CATSPERT: variants seen among roughly 807,000 people sequenced by gnomAD.
The protein encoded by CATSPERT is catsper channel auxiliary subunit tau.
chr2:201,517,131 C>G, the CATSPERT span, among the ~76,000 whole-genome samples: 2 of 151,998 alleles, frequency 1.3e-5, no homozygotes, highest in South Asian at 4.2e-4. Flanking sequence ...CTGAAGTTCC[C>G]CAATGTACTG....
chr2:201,502,809 C>T, the CATSPERT span, among the ~76,000 whole-genome samples: 1 of 151,640 alleles, frequency 6.6e-6, no homozygotes, highest in South Asian at 2.1e-4. Flanking sequence ...TGACCATTTT[C>T]TTCAAATCAT....
At chr2:201,553,878 A>G in the CATSPERT span, 3 of 152,140 alleles carry the variant, frequency 2.0e-5, no homozygotes, top group South Asian at 6.2e-4. Context: ...TTACATTTCT[A>G]TTCAACCTAG....
At chr2:201,584,608 C>A in the CATSPERT span, among the ~76,000 whole-genome samples, 1 of 151,908 alleles carries the variant, frequency 6.6e-6, no homozygotes, top group Non-Finnish European at 1.5e-5. Flanking sequence ...CATGGTGAAA[C>A]CCCATCTTTA....
At chr2:201,547,949 T>C in the CATSPERT span, among the ~76,000 whole-genome samples, 3 of 152,272 alleles carry the variant, frequency 2.0e-5, no homozygotes, top group East Asian at 1.9e-4. Context: ...ATACTTGTTA[T>C]AGAAATTATT....
At chr2:201,540,560 C>G in the CATSPERT span, among the ~76,000 whole-genome samples, 1 of 152,208 alleles carries the variant, frequency 6.6e-6, no homozygotes, top group Non-Finnish European at 1.5e-5. Context: ...GCATGGATGA[C>G]AGCAGATCTG....
chr2:201,571,810 G>A, the CATSPERT span: 1 of 713,156 alleles, frequency 1.4e-6, no homozygotes. Context: ...CTTCACCTCA[G>A]AGTCTACCCC....
chr2:201,547,623 A>G, the CATSPERT span: 2 of 1,396,144 alleles, frequency 1.4e-6, no homozygotes, highest in South Asian at 2.6e-5. Context: ...AAAGAAAGAA[A>G]TAAGTTATGA....
At chr2:201,558,963 C>T in the CATSPERT span, among the ~76,000 whole-genome samples, 1 of 152,154 alleles carries the variant, frequency 6.6e-6, no homozygotes, top group South Asian at 2.1e-4. Flanking sequence ...CCCCAGCCAC[C>T]ATACTTCCAG....
chr2:201,565,763 G>A, the CATSPERT span: 16 of 1,592,730 alleles, frequency 1.0e-5, no homozygotes, highest in Admixed American at 3.5e-5. Flanking sequence ...TTTTCAAGTC[G>A]CACTACAGAT....
chr2:201,582,342 T>C, the CATSPERT span: 4 of 904,000 alleles, frequency 4.4e-6, no homozygotes, highest in Non-Finnish European at 6.3e-6. Flanking sequence ...TTGCATACTA[T>C]ATTATGCAAA....
At chr2:201,487,575 A>G in the CATSPERT span, 1 of 1,570,522 alleles carries the variant, frequency 6.4e-7, no homozygotes, top group Non-Finnish European at 8.7e-7. Flanking sequence ...TTCTGAGTTA[A>G]ACATGTTTTA....
the CATSPERT span, among the ~76,000 whole-genome samples, chr2:201,575,770 T>C: frequency 6.6e-6 from 1 of 152,210 alleles, no homozygotes; most frequent in African/African-American, 2.4e-5. Flanking sequence ...ATTATTTCAT[T>C]ATATATTACC....
At chr2:201,539,993 A>C in the CATSPERT span, among the ~76,000 whole-genome samples, 3 of 152,194 alleles carry the variant, frequency 2.0e-5, no homozygotes, top group Non-Finnish European at 4.4e-5. Flanking sequence ...AAAGCAAAAC[A>C]GCTTATTGCA....
the CATSPERT span, among the ~76,000 whole-genome samples, chr2:201,536,867 C>T: frequency 4.0e-5 from 6 of 151,852 alleles, no homozygotes; most frequent in Non-Finnish European, 5.9e-5. Context: ...ACTGACTCTT[C>T]AATTGGTATT....
chr2:201,536,055 G>A, the CATSPERT span: 4 of 1,612,720 alleles, frequency 2.5e-6, no homozygotes, highest in Admixed American at 6.7e-5. Flanking sequence ...TAAAATGCTT[G>A]GATAGTTATC....
At chr2:201,498,452 C>T in the CATSPERT span, among the ~76,000 whole-genome samples, 1 of 152,090 alleles carries the variant, frequency 6.6e-6, no homozygotes, top group Non-Finnish European at 1.5e-5. Flanking sequence ...CTCATCCCTC[C>T]TTCCTCTGTC....
chr2:201,528,246 A>C, the CATSPERT span, among the ~76,000 whole-genome samples: 1 of 152,304 alleles, frequency 6.6e-6, no homozygotes, highest in South Asian at 2.1e-4. Context: ...GCTATTATTA[A>C]AAAGTCAAAA....
At chr2:201,531,665 C>A in the CATSPERT span, among the ~76,000 whole-genome samples, 1 of 152,014 alleles carries the variant, frequency 6.6e-6, no homozygotes. Flanking sequence ...AATGAATGAA[C>A]CCTGAGAAGA....
At chr2:201,544,838 A>C in the CATSPERT span, among the ~76,000 whole-genome samples, 12 of 137,296 alleles carry the variant, frequency 8.7e-5, 1 homozygote, top group South Asian at 4.9e-4. Flanking sequence ...AAAAAAAAAA[A>C]ATACAAAAAT....
Sources: gnomAD v4.1 joint callset for allele counts (sites outside exome capture counted in the v4.1 genomes callset) on GRCh38, gnomAD v4.1.1 for gene constraint, MANE v1.5 for transcripts, NCBI Gene and HGNC (gene_info 2026-07-23, HGNC 2026-07-21) for gene names.